Variants in CSMD1 observed in about 807,000 individuals in gnomAD.
CSMD1 encodes CUB and Sushi multiple domains 1.
In CSMD1, 213 loss-of-function variants were observed where a neutral mutation model predicts 417.5. That is an observed-to-expected ratio of 0.51 (90% CI 0.46 to 0.57). The LOEUF (loss-of-function observed/expected upper bound fraction) is 0.57, where lower values mean the gene tolerates loss of function less well. Among genes scored for constraint, CSMD1 ranks in the 20% least tolerant of loss-of-function variants. The pLI, the probability that CSMD1 is intolerant of heterozygous loss-of-function variation, is 0.00. For synonymous variants in CSMD1, 2,862 were observed against 1,736.8 expected (o/e 1.65, Z -16.11); for missense variants, 6,923 against 4,529.7 (o/e 1.53, Z -15.17).
intron 5 of CSMD1, among the ~76,000 whole-genome samples, chr8:3,922,295 A>G (rs981471363): frequency 1.3e-5 from 2 of 152,056 alleles, no homozygotes; most frequent in African/African-American, 4.8e-5. Context: ...TCCTTTTAAA[A>G]AGCATATAGT....
At chr8:3,412,116 A>G (rs1812840335) in intron 12 of CSMD1, among the ~76,000 whole-genome samples, 1 of 131,558 alleles carries the variant, frequency 7.6e-6, no homozygotes, top group Non-Finnish European at 1.6e-5. Context: ...ATATACATAT[A>G]TACACACGTA....
At chr8:4,919,422 T>C (rs1485336803) in intron 1 of CSMD1, among the ~76,000 whole-genome samples, 1 of 152,164 alleles carries the variant, frequency 6.6e-6, no homozygotes, top group African/African-American at 2.4e-5. Context: ...AAATTTCCAA[T>C]ATAATAACAA....
At chr8:3,343,495 T>C in intron 22 of CSMD1, 45 bp from the exon 23 acceptor site, 2 of 1,534,270 alleles carry the variant, frequency 1.3e-6, no homozygotes, top group African/African-American at 1.4e-5. Flanking sequence ...CTTCACTGGA[T>C]TCTTATGTTA....
rs141815149 is a variant in CSMD1 at position 3,369,543 on chromosome 8, G to C, written c.2783-173C>G. ...TGTTACTTGCAAATATCATATGCTAGTTCATATGAAGGGATCTTAACCACT... is the reference window on the plus strand; with the variant it reads ...TGTTACTTGCAAATATCATATGCTACTTCATATGAAGGGATCTTAACCACT... On this transcript the variant is annotated intron_variant, in intron 18 of 69. Coordinates refer to ENST00000635120, the MANE Select transcript of CSMD1 (RefSeq NM_033225.6). 3.5e-3 allele frequency among the ~76,000 whole-genome samples: 534 copies of C among 152,250 alleles called. 1 individual carries two copies. The highest frequency in any genetic ancestry group is 5.0e-3 in the Non-Finnish European group (341 of 68,028).
chr8:4,544,652 C>T (rs1797554105), intron 2 of CSMD1, among the ~76,000 whole-genome samples: 1 of 152,142 alleles, frequency 6.6e-6, no homozygotes, highest in South Asian at 2.1e-4. Flanking sequence ...TGGTAAGATG[C>T]ATTAACGTAT....
rs527269121 is a variant in CSMD1 at position 4,425,673 on chromosome 8, C to CAGAAA, written c.303-5609_303-5608insTTTCT. On this transcript the variant is annotated intron_variant, in intron 2 of 69. Transcript: ENST00000635120. Reference sequence around the variant, plus strand: ...TCTGCCTCACTTTGAGGAATCCCTGCTTCTTATAAGCAACTGGCTTATTTT... The same window carrying CAGAAA: ...TCTGCCTCACTTTGAGGAATCCCTGCAGAAATTCTTATAAGCAACTGGCTTATTTT... 1.1e-4 allele frequency among the ~76,000 whole-genome samples: 16 copies of CAGAAA among 144,606 alleles called. No individual in the cohort carries two copies. In the South Asian group the frequency reaches 3.4e-3, roughly 31 times the overall value. The allele number at this position is 144,606 out of a possible 152,430, so 94.9% of individuals were successfully genotyped here.
chr8:4,365,031 T>C (rs1284769248), intron 3 of CSMD1, among the ~76,000 whole-genome samples: 2 of 152,180 alleles, frequency 1.3e-5, no homozygotes, highest in African/African-American at 4.8e-5. Context: ...TTATGAAATA[T>C]GTTCTCTTTC....
At chr8:4,610,652 G>T (rs1801120128) in intron 2 of CSMD1, among the ~76,000 whole-genome samples, 2 of 152,138 alleles carry the variant, frequency 1.3e-5, no homozygotes, top group African/African-American at 4.8e-5. Flanking sequence ...ATAAATAGTT[G>T]ATTTAATTCA....
chr8:4,559,323 T>A (rs1798227140), intron 2 of CSMD1, among the ~76,000 whole-genome samples: 1 of 152,214 alleles, frequency 6.6e-6, no homozygotes. Context: ...TACAGATGAT[T>A]TAATTTTCAG....
At chr8:3,494,078 T>C (rs746355305) in intron 10 of CSMD1, among the ~76,000 whole-genome samples, 1 of 152,224 alleles carries the variant, frequency 6.6e-6, no homozygotes. Flanking sequence ...TGGTTATAGT[T>C]AATGACATAT....
chr8:3,809,895 T>A (rs575470920), intron 5 of CSMD1, among the ~76,000 whole-genome samples: 31 of 152,210 alleles, frequency 2.0e-4, no homozygotes, highest in African/African-American at 6.7e-4. Flanking sequence ...CCTTTGCCTT[T>A]CTCCCATCTT....
rs113635488 is a variant in CSMD1, at chr8:4,831,520, T to A, written c.85+162812A>T. 3.7e-3 allele frequency among the ~76,000 whole-genome samples: 568 copies of A among 151,740 alleles called. 8 individuals carry two copies. Among genetic ancestry groups the A allele is most frequent in the African/African-American group, 0.013 (534 of 41,416 alleles). On this transcript the variant is annotated intron_variant, in intron 1 of 69. Coordinates refer to ENST00000635120, the MANE Select transcript of CSMD1 (RefSeq NM_033225.6). ...ATGCTGCTCATTGCATGGTACATAT[T>A]TTTTTTTAATATCAGAAGATAATGT... is the stretch of plus-strand genomic sequence containing the variant.
At chr8:3,344,021 A>G (rs1020974903) in intron 22 of CSMD1, among the ~76,000 whole-genome samples, 2 of 152,162 alleles carry the variant, frequency 1.3e-5, no homozygotes, top group Non-Finnish European at 2.9e-5. Flanking sequence ...AGTAATACAG[A>G]AGTGTGATGT....
intron 3 of CSMD1, among the ~76,000 whole-genome samples, chr8:4,122,238 C>G (rs1368097317): frequency 6.6e-6 from 1 of 152,096 alleles, no homozygotes; most frequent in Non-Finnish European, 1.5e-5. Flanking sequence ...GAGGGAAGTG[C>G]AGTTGGTTTG....
chr8:4,275,883 C>A (rs1796456662), intron 3 of CSMD1, among the ~76,000 whole-genome samples: 1 of 152,012 alleles, frequency 6.6e-6, no homozygotes, highest in South Asian at 2.1e-4. Flanking sequence ...ATTGGATGAA[C>A]AATAAATTAA....
chr8:3,305,330 G>T (rs888490971), intron 25 of CSMD1, among the ~76,000 whole-genome samples: 1 of 152,136 alleles, frequency 6.6e-6, no homozygotes, highest in Admixed American at 6.5e-5. Context: ...TTTAAAATGA[G>T]TTATTATAAA....
At chr8:4,462,859 C>G (rs1799920829) in intron 2 of CSMD1, among the ~76,000 whole-genome samples, 1 of 152,042 alleles carries the variant, frequency 6.6e-6, no homozygotes, top group Admixed American at 6.5e-5. Context: ...GCAGCTCAAA[C>G]TCTTTGAAGA....
intron 1 of CSMD1, among the ~76,000 whole-genome samples, chr8:4,922,182 G>A (rs536461339): frequency 6.6e-6 from 1 of 152,152 alleles, no homozygotes; most frequent in East Asian, 1.9e-4. Context: ...AGTACTGCCT[G>A]TGTGTGCGAG....
chr8:4,280,467 A>G (rs145420691), intron 3 of CSMD1, among the ~76,000 whole-genome samples: 1 of 152,186 alleles, frequency 6.6e-6, no homozygotes, highest in Non-Finnish European at 1.5e-5. Context: ...TGCATACATC[A>G]CTGTTTCAGT....
Sources: gnomAD v4.1 joint callset for allele counts (sites outside exome capture counted in the v4.1 genomes callset) on GRCh38, gnomAD v4.1.1 for gene constraint, MANE v1.5 for transcripts, NCBI Gene and HGNC (gene_info 2026-07-23, HGNC 2026-07-21) for gene names.